Variants in RIPOR2 observed in about 807,000 individuals in gnomAD.
The protein encoded by RIPOR2 is rho family-interacting cell polarization regulator 2.
A neutral mutation model predicts 114.5 loss-of-function variants in RIPOR2; 39 were observed. The observed-to-expected ratio is 0.34, with a 90% confidence interval of 0.26 to 0.44. The LOEUF (loss-of-function observed/expected upper bound fraction) is 0.44. Ranked by LOEUF, RIPOR2 falls within the 20% of genes least tolerant of loss-of-function variation. RIPOR2 has a pLI of 1.00. For synonymous variants in RIPOR2, 445 were observed against 484.4 expected, an observed-to-expected ratio of 0.92 and a Z score of 1.07; for missense variants, 1,007 against 1,255.1, an observed-to-expected ratio of 0.80 and a Z score of 2.99.
intron 1 of RIPOR2, among the ~76,000 whole-genome samples, chr6:25,010,072 G>A (rs1409333818): frequency 6.6e-6 from 1 of 152,184 alleles, no homozygotes; most frequent in Admixed American, 6.5e-5. Context: ...ATGTTTACAG[G>A]TATTATAGTA....
intron 1 of RIPOR2, among the ~76,000 whole-genome samples, chr6:24,992,027 A>G (rs1385615330): frequency 6.6e-6 from 1 of 152,182 alleles, no homozygotes; most frequent in Non-Finnish European, 1.5e-5. Context: ...CTTGACACCA[A>G]AGCCCTAGGG....
chr6:25,034,098 A>G (rs1313919229), intron 1 of RIPOR2, among the ~76,000 whole-genome samples: 1 of 151,230 alleles, frequency 6.6e-6, no homozygotes, highest in African/African-American at 2.4e-5. Context: ...GGTTTTATAT[A>G]TATATATATT....
chr6:24,952,088 T>C (rs1772800163), intron 1 of RIPOR2, among the ~76,000 whole-genome samples: 1 of 152,196 alleles, frequency 6.6e-6, no homozygotes, highest in South Asian at 2.1e-4. Context: ...TGACCACATT[T>C]TTTCTGTACT....
intron 1 of RIPOR2, among the ~76,000 whole-genome samples, chr6:25,024,913 TTC>T (rs1241071163): frequency 6.6e-6 from 1 of 152,256 alleles, no homozygotes; most frequent in Non-Finnish European, 1.5e-5. Context: ...GAAAGCTATT[TTC>T]TCTGTTTCTA....
At chr6:25,025,478 T>TA (rs35945688) in intron 1 of RIPOR2, among the ~76,000 whole-genome samples, 4 of 151,202 alleles carry the variant, frequency 2.6e-5, no homozygotes, top group South Asian at 4.2e-4. Flanking sequence ...ATAGGACCTT[T>TA]AAAAAAAAAT....
intron 1 of RIPOR2, among the ~76,000 whole-genome samples, chr6:24,988,467 C>T (rs1774637108): frequency 1.3e-5 from 2 of 152,190 alleles, no homozygotes; most frequent in South Asian, 2.1e-4. Context: ...AGCCACCACG[C>T]CCAGCTATTG....
At chr6:24,904,811 GT>G (rs1236736638) in intron 1 of RIPOR2, among the ~76,000 whole-genome samples, 1 of 152,196 alleles carries the variant, frequency 6.6e-6, no homozygotes, top group Non-Finnish European at 1.5e-5. Flanking sequence ...GTCTCGCTTT[GT>G]TGCCCAGGCT....
chr6:24,914,732 G>A (rs939106919), intron 1 of RIPOR2, among the ~76,000 whole-genome samples: 1 of 152,116 alleles, frequency 6.6e-6, no homozygotes, highest in East Asian at 1.9e-4. Context: ...TACTGCCATC[G>A]ATCAATCCTA....
chr6:24,981,318 G>T (rs976958839), intron 1 of RIPOR2, among the ~76,000 whole-genome samples: 1 of 152,148 alleles, frequency 6.6e-6, no homozygotes, highest in Non-Finnish European at 1.5e-5. Context: ...CTTACCCTGC[G>T]CACTTTTTCT....
intron 1 of RIPOR2, among the ~76,000 whole-genome samples, chr6:25,041,423 C>T (rs985119277): frequency 6.6e-6 from 1 of 152,224 alleles, no homozygotes; most frequent in African/African-American, 2.4e-5. Flanking sequence ...ACTCACTGAT[C>T]CTTGAATTTC....
chr6:24,875,629 A>G, intron 2 of RIPOR2, 62 bp downstream of exon 2: 6 of 1,544,470 alleles, frequency 3.9e-6, no homozygotes, highest in South Asian at 1.2e-5. Context: ...GACCCTCTTC[A>G]CAACATCAAA....
chr6:24,806,451 A>G lies in RIPOR2; in HGVS notation c.3066T>C (p.Tyr1022=), dbSNP rs1393913714. Residue 1022 remains tyrosine, a synonymous_variant, in exon 22 of 22, where the codon TAT becomes TAC. Transcript: ENST00000643898. ...CTCGAGGAAATTTGTCCAATTGTTC[A>G]TATGCCAGCCGCCCATCTTCTCCTA... ...LSLGEDGRLA[Y]EQLDKFPRDC... 9 of 1,551,702 alleles carry G rather than the reference A, an allele frequency of 5.8e-6. No individual in the cohort carries two copies. Among genetic ancestry groups the G allele is most frequent in the Non-Finnish European group, 7.8e-6 (9 of 1,146,948 alleles).
intron 18 of RIPOR2, among the ~76,000 whole-genome samples, chr6:24,827,041 G>A (rs1440586439): frequency 6.6e-6 from 1 of 151,944 alleles, no homozygotes; most frequent in Non-Finnish European, 1.5e-5. Flanking sequence ...TGTAATAAGA[G>A]CCTAGAGATG....
At chr6:24,990,195 T>C (rs983609071) in intron 1 of RIPOR2, among the ~76,000 whole-genome samples, 4 of 152,246 alleles carry the variant, frequency 2.6e-5, no homozygotes, top group Non-Finnish European at 5.9e-5. Flanking sequence ...TTTGTAGTCA[T>C]ATTGTAACAT....
rs1777289522 is a variant in RIPOR2 at position 25,037,167 on chromosome 6, G to A, written c.76+4684C>T. On this transcript the variant is annotated intron_variant, in intron 1 of 13. Coordinates refer to the RIPOR2 transcript ENST00000510784. This position sits in a 1 kb window ranked among gnomAD's most constrained non-coding sequence, Gnocchi z 4.5. ...GTGTTACTGTAATAAGCATTTTAAG[G>A]TTGAGGAAGTGGGCATTCAGGGAGG... 1.3e-5 allele frequency among the ~76,000 whole-genome samples: 2 copies of A among 152,150 alleles called. No homozygotes were observed. The highest frequency in any genetic ancestry group is 1.5e-5 in the Non-Finnish European group (1 of 68,022).
chr6:24,990,037 T>TA (rs370390510), intron 1 of RIPOR2, among the ~76,000 whole-genome samples: 6 of 150,588 alleles, frequency 4.0e-5, no homozygotes, highest in African/African-American at 7.3e-5. Flanking sequence ...AAAATAAAAA[T>TA]AAAAAAAAAT....
intron 18 of RIPOR2, among the ~76,000 whole-genome samples, chr6:24,826,568 C>T (rs1407967924): frequency 6.6e-6 from 1 of 151,254 alleles, no homozygotes; most frequent in Non-Finnish European, 1.5e-5. Flanking sequence ...TGTAAATAAA[C>T]ACCCTAGTAA....
rs576957689 is a variant in RIPOR2, at chr6:24,899,258, A to T, written c.62-23441T>A. ...TCATTGAATTATCCTCATAAAGGAA[A>T]CTATACTCAGGCTAACATGGGGCCC... On this transcript the variant is annotated intron_variant, in intron 1 of 21. Transcript: ENST00000643898. Among the ~76,000 whole-genome samples the T allele has an allele frequency of 1.3e-3, 198 of 152,232 alleles. No homozygotes were observed. In the Middle Eastern group the frequency reaches 0.017, roughly 13 times the overall value.
intron 1 of RIPOR2, among the ~76,000 whole-genome samples, chr6:25,003,754 T>C (rs1354962250): frequency 1.3e-5 from 2 of 152,184 alleles, no homozygotes; most frequent in Admixed American, 1.3e-4. Flanking sequence ...AAAGGTAGCA[T>C]TACCTCTTAT....
Sources: allele counts gnomAD v4.1 joint callset (sites outside exome capture counted in the v4.1 genomes callset), GRCh38; gene constraint gnomAD v4.1.1; non-coding constraint Gnocchi (gnomAD v3.1); transcripts MANE v1.5; gene names NCBI Gene and HGNC (gene_info 2026-07-23, HGNC 2026-07-21).